BCAS3: variants seen among roughly 807,000 people sequenced by gnomAD.
BCAS3 encodes the protein BCAS4/BCAS3 fusion.
Under a neutral mutation model 116.1 loss-of-function variants are expected in BCAS3, and 53 were observed. The observed-to-expected ratio is 0.46, with a 90% CI of 0.37 to 0.57. BCAS3 has a LOEUF of 0.57. Ranked by LOEUF, BCAS3 falls within the 20% of genes least tolerant of loss-of-function variation. The pLI, the probability that BCAS3 is intolerant of heterozygous loss-of-function variation, is 0.00. For synonymous variants in BCAS3, 391 were observed against 408.2 expected (o/e 0.96, Z 0.51); for missense variants, 917 against 1,165.4 (o/e 0.79, Z 3.10).
intron 22 of BCAS3, among the ~76,000 whole-genome samples, chr17:61,159,910 C>A (rs1719180919): frequency 1.3e-5 from 2 of 151,658 alleles, no homozygotes; most frequent in South Asian, 4.2e-4. Context: ...AGATTAGTTT[C>A]TTTAAATTTA....
chr17:60,950,248 G>A (rs1269328279), intron 14 of BCAS3, among the ~76,000 whole-genome samples: 1 of 152,156 alleles, frequency 6.6e-6, no homozygotes, highest in Non-Finnish European at 1.5e-5. Flanking sequence ...TCTAGCAGTA[G>A]GGGAGGGGAG....
At chr17:60,690,906 C>T (rs1214437792) in intron 4 of BCAS3, among the ~76,000 whole-genome samples, 1 of 151,660 alleles carries the variant, frequency 6.6e-6, no homozygotes, top group African/African-American at 2.4e-5. Context: ...GGCGACAGAG[C>T]GAGACTTTGT....
chr17:61,181,829 TG>T lies in BCAS3; in HGVS notation c.2425+97266del, dbSNP rs1461710100. Among the ~76,000 whole-genome samples, 13 of 151,990 alleles carry T rather than the reference TG, an allele frequency of 8.6e-5. No individual in the cohort carries two copies. The highest frequency in any genetic ancestry group is 1.5e-4 in the Non-Finnish European group (10 of 68,002). On this transcript the variant is annotated intron_variant, in intron 22 of 23. Transcript: ENST00000407086. The surrounding 1 kb of genome is among the most constrained non-coding windows in gnomAD (Gnocchi z 5.0). ...CAGCAGAGGTTGGAAACTTTTTAGT[TG>T]CTTAATATTTTATTTCTAATACCAA...
chr17:61,275,057 G>T (rs1377132552), intron 22 of BCAS3, among the ~76,000 whole-genome samples: 1 of 151,926 alleles, frequency 6.6e-6, no homozygotes, highest in African/African-American at 2.4e-5. Context: ...TCAGCATGTC[G>T]CCCAGGCTAG....
intron 22 of BCAS3, among the ~76,000 whole-genome samples, chr17:61,234,093 G>A (rs2082852548): frequency 6.6e-6 from 1 of 151,834 alleles, no homozygotes. Flanking sequence ...GATTAGTACT[G>A]GTCTAAACAT....
At chr17:61,289,020 A>G (rs983640246) in intron 22 of BCAS3, among the ~76,000 whole-genome samples, 4 of 152,250 alleles carry the variant, frequency 2.6e-5, no homozygotes, top group African/African-American at 9.6e-5. Context: ...GCCCCTCTGC[A>G]CATTTCCTCT....
At chr17:60,880,323 T>A (rs951738546) in intron 9 of BCAS3, among the ~76,000 whole-genome samples, 1 of 152,152 alleles carries the variant, frequency 6.6e-6, no homozygotes, top group African/African-American at 2.4e-5. Context: ...GGAGTCTCGC[T>A]CTGTCGCCAG....
chr17:61,287,200 A>T (rs1001089312), intron 22 of BCAS3, among the ~76,000 whole-genome samples: 1 of 151,604 alleles, frequency 6.6e-6, no homozygotes, highest in African/African-American at 2.4e-5. Flanking sequence ...GTGAGCCGAG[A>T]TCGCACCACT....
intron 13 of BCAS3, among the ~76,000 whole-genome samples, chr17:60,932,164 A>T (rs2059681075): frequency 6.6e-6 from 1 of 152,148 alleles, no homozygotes; most frequent in Non-Finnish European, 1.5e-5. Flanking sequence ...AATCACCTTC[A>T]TCCTAGTTTT....
At chr17:61,033,130 A>C (rs921806110) in intron 16 of BCAS3, among the ~76,000 whole-genome samples, 1 of 152,182 alleles carries the variant, frequency 6.6e-6, no homozygotes, top group Non-Finnish European at 1.5e-5. Context: ...CATATAGAAA[A>C]GTTAGTATTT....
chr17:61,388,959 ATCATTCAT>A lies in BCAS3; in HGVS notation c.2594-2981_2594-2974del, dbSNP rs58589853. On this transcript the variant is annotated intron_variant, in intron 23 of 23. Transcript: ENST00000407086. The surrounding 1 kb of genome is among the most constrained non-coding windows in gnomAD (Gnocchi z 6.5). Reference sequence around the variant, plus strand: ...ATGGGCCCCCACCTCCCCTTACCACATCATTCATTCATTCATTCATTCATTCATTCATT... The same window carrying A: ...ATGGGCCCCCACCTCCCCTTACCACATCATTCATTCATTCATTCATTCATT... The A allele has an allele frequency of 0.11, 31,806 of 294,362 alleles. 2,286 individuals are homozygous for A. Among genetic ancestry groups the A allele is most frequent in the African/African-American group, 0.24 (11,207 of 46,066 alleles). The allele number at this position is 294,362 out of a possible 1,614,324, so 18.2% of individuals were successfully genotyped here.
rs1212932023 is a variant in BCAS3, at chr17:61,365,076, T to G, written c.2426-3251T>G. Among the ~76,000 whole-genome samples the G allele has an allele frequency of 6.6e-6, 1 of 152,194 alleles. No homozygotes were observed. Among genetic ancestry groups the G allele is most frequent in the Non-Finnish European group, 1.5e-5 (1 of 68,026 alleles). ...CTGCAGTCCTCACAACAATCCTATGTGGTTGTATTGTTTTTCCATTTTTAT... is the reference window on the plus strand; with the variant it reads ...CTGCAGTCCTCACAACAATCCTATGGGGTTGTATTGTTTTTCCATTTTTAT... On this transcript the variant is annotated intron_variant, in intron 22 of 23. Transcript: ENST00000407086. This position sits in a 1 kb window ranked among gnomAD's most constrained non-coding sequence, Gnocchi z 4.6.
At chr17:60,685,596 A>T (rs1310664873) in intron 3 of BCAS3, among the ~76,000 whole-genome samples, 1 of 151,938 alleles carries the variant, frequency 6.6e-6, no homozygotes, top group Non-Finnish European at 1.5e-5. Flanking sequence ...TAATCATCTT[A>T]TTCGTCATGG....
intron 22 of BCAS3, among the ~76,000 whole-genome samples, chr17:61,191,833 A>G (rs1427419378): frequency 6.6e-6 from 1 of 152,128 alleles, no homozygotes; most frequent in African/African-American, 2.4e-5. Flanking sequence ...ATCAGCAGTA[A>G]AATAATAGAC....
At chr17:61,003,908 TATC>T (rs1301879704) in intron 15 of BCAS3, 1 of 152,152 alleles carries the variant, frequency 6.6e-6, no homozygotes, top group Non-Finnish European at 1.5e-5. Flanking sequence ...GCCATTTTAT[TATC>T]ATACCTCAAA....
chr17:60,846,184 T>G (rs1263667593), intron 7 of BCAS3, among the ~76,000 whole-genome samples: 1 of 152,120 alleles, frequency 6.6e-6, no homozygotes, highest in Non-Finnish European at 1.5e-5. Flanking sequence ...CCTGCCTTGA[T>G]CTCCCAAAGT....
rs532199626 is a variant in BCAS3, at chr17:61,335,727, C to A, written c.2426-32600C>A. ...GCAAGACCCCATCTCTAGAAAAAATCAGAAAAAAAGAATTGCCTTTCTGGC... is the reference window on the plus strand; with the variant it reads ...GCAAGACCCCATCTCTAGAAAAAATAAGAAAAAAAGAATTGCCTTTCTGGC... On this transcript the variant is annotated intron_variant, in intron 22 of 23. Coordinates refer to ENST00000407086, the MANE Select transcript of BCAS3 (RefSeq NM_017679.5). 4.6e-5 allele frequency among the ~76,000 whole-genome samples: 7 copies of A among 152,206 alleles called. No homozygotes were observed. The South Asian group carries it at 1.2e-3, about 27-fold the overall frequency.
chr17:60,920,469 G>A lies in BCAS3; in HGVS notation c.994-3938G>A, dbSNP rs537814616. On this transcript the variant is annotated intron_variant, in intron 12 of 23. Coordinates refer to ENST00000407086, the MANE Select transcript of BCAS3 (RefSeq NM_017679.5). ...TTCTTAAAAGAAGACATACGTATGG[G>A]CCAACAAACATATGGAAAAATGCTC... Among the ~76,000 whole-genome samples the A allele has an allele frequency of 3.9e-5, 6 of 152,226 alleles. No homozygotes were observed. In the South Asian group the frequency reaches 1.2e-3, roughly 32 times the overall value.
At chr17:60,873,860 C>T (rs2055345653) in intron 8 of BCAS3, among the ~76,000 whole-genome samples, 1 of 147,836 alleles carries the variant, frequency 6.8e-6, no homozygotes, top group African/African-American at 2.6e-5. Flanking sequence ...TTATTATCTT[C>T]TCCATTCTTT....
Sources: allele counts gnomAD v4.1 joint callset (sites outside exome capture counted in the v4.1 genomes callset), GRCh38; gene constraint gnomAD v4.1.1; non-coding constraint Gnocchi (gnomAD v3.1); transcripts MANE v1.5; gene names NCBI Gene and HGNC (gene_info 2026-07-23, HGNC 2026-07-21).